Variants in TLN2 observed in about 807,000 individuals in gnomAD.
The protein encoded by TLN2 is talin-2.
In TLN2, 118 loss-of-function variants were observed where a neutral mutation model predicts 294.7. That is an observed-to-expected ratio of 0.40 (90% CI 0.34 to 0.47). The LOEUF (loss-of-function observed/expected upper bound fraction) is 0.47. TLN2 is among the 20% of genes least tolerant of loss of function. The pLI is 0.84. For synonymous variants in TLN2, 1,431 were observed against 1,304.5 expected (o/e 1.10, Z -2.09); for missense variants, 3,083 against 3,282.2 (o/e 0.94, Z 1.48).
chr15:62,607,835 C>T (rs767929091), intron 2 of TLN2, among the ~76,000 whole-genome samples: 3 of 152,196 alleles, frequency 2.0e-5, no homozygotes, highest in Non-Finnish European at 4.4e-5. Context: ...TGCACCCACA[C>T]ATTAGTGGAA....
chr15:62,439,822 C>T (rs1246160040), intron 1 of TLN2, among the ~76,000 whole-genome samples: 3 of 152,124 alleles, frequency 2.0e-5, no homozygotes, highest in Non-Finnish European at 4.4e-5. Flanking sequence ...CTTACAATTT[C>T]GAAAGTTGAT....
intron 50 of TLN2, among the ~76,000 whole-genome samples, chr15:62,804,232 G>T (rs192426927): frequency 6.6e-6 from 1 of 152,314 alleles, no homozygotes; most frequent in African/African-American, 2.4e-5. Flanking sequence ...TGATCAAAGA[G>T]ACTTGAAATT....
In TLN2 at chr15:62,836,079, G is replaced by A. The variant is rs1185264654; in HGVS notation, c.7374+6G>A. The A allele has an allele frequency of 6.2e-7, 1 of 1,604,354 alleles. No individual in the cohort carries two copies. The highest frequency in any genetic ancestry group is 8.5e-7 in the Non-Finnish European group (1 of 1,175,734). On this transcript the variant is annotated splice_donor_region_variant and intron_variant, in intron 57 of 58. Transcript: ENST00000636159. ...AGGCCATGAGGCGGCTACAGGTAAT[G>A]GTCACTGATGCTGGTGGGAAAATAC...
Position 62,820,419 on chromosome 15 carries a change from T to C in TLN2, c.6878-67T>C, listed in dbSNP as rs886359223. On this transcript the variant is annotated intron_variant, in intron 53 of 58. Transcript: ENST00000636159. ...TCATGCATGCAAATCCAGATAGTGT[T>C]TTTAATTAAGCCAGTGCCCTGAGGT... 7.7e-6 allele frequency: 12 copies of C among 1,554,584 alleles called. No homozygotes were observed. The African/African-American group carries it at 1.4e-4, about 18-fold the overall frequency.
At chr15:62,484,451 A>G (rs902951750) in intron 1 of TLN2, among the ~76,000 whole-genome samples, 1 of 151,206 alleles carries the variant, frequency 6.6e-6, no homozygotes, top group Non-Finnish European at 1.5e-5. Context: ...TTTGAGACGG[A>G]GTCTTGCCCT....
At position 62,686,770 on chromosome 15, in the gene TLN2, G is replaced by T; in HGVS notation, c.1087G>T (p.Ala363Ser). 1 of 1,613,400 alleles carries T rather than the reference G, an allele frequency of 6.2e-7. No homozygotes were observed. Among genetic ancestry groups the T allele is most frequent in the Non-Finnish European group, 8.5e-7 (1 of 1,179,882 alleles). The change falls in exon 12 of 59, where the codon GCA (alanine) becomes TCA (serine). Residue 363 changes from alanine (A) to serine (S), a missense_variant. Coordinates refer to ENST00000636159, the MANE Select transcript of TLN2 (RefSeq NM_015059.3). ...EWPLTTVKRWAASPKSFTLDF... is the reference protein window; with the variant it reads ...EWPLTTVKRWSASPKSFTLDF... ...GCCCCTCACCACCGTCAAGCGCTGG[G>T]CAGCCTCACCCAAGAGCTTCACACT...
At chr15:62,499,870 T>C (rs972630325) in intron 1 of TLN2, among the ~76,000 whole-genome samples, 1 of 151,916 alleles carries the variant, frequency 6.6e-6, no homozygotes, top group African/African-American at 2.4e-5. Flanking sequence ...CCCAAAGTGG[T>C]GGGATTACAG....
intron 11 of TLN2, 145 bp from the exon 12 acceptor site, chr15:62,686,495 CT>C: frequency 1.1e-6 from 1 of 883,282 alleles, no homozygotes; most frequent in Non-Finnish European, 1.7e-6. Flanking sequence ...AGTTATTCAC[CT>C]AGCCTCAAAA....
chr15:62,776,804 T>G lies in TLN2; in HGVS notation c.5408T>G (p.Leu1803Trp). 6.3e-7 allele frequency: 1 copy of G among 1,596,430 alleles called. No homozygotes were observed. Among genetic ancestry groups the G allele is most frequent in the South Asian group, 1.1e-5 (1 of 89,010 alleles). Residue 1803 changes from leucine (L) to tryptophan (W), a missense_variant, in exon 43 of 59, where the codon TTG becomes TGG. By Grantham distance (61) the Leu-to-Trp change is moderately conservative. Transcript: ENST00000636159. ...GACGCCATCACAGAGGCCGCCCAGT[T>G]GATGAAGGAAGCCGTGGATGACATC... The part of the protein sequence containing the change: ...THDAITEAAQ[L>W]MKEAVDDIMV...
chr15:62,404,287 A>G (rs144393521), intron 1 of TLN2, among the ~76,000 whole-genome samples: 1 of 152,294 alleles, frequency 6.6e-6, no homozygotes, highest in African/African-American at 2.4e-5. Context: ...TCTCATCTTT[A>G]TCTCTGAAGG....
chr15:62,399,256 CA>C (rs546678440), intron 1 of TLN2, among the ~76,000 whole-genome samples: 154 of 58,410 alleles, frequency 2.6e-3, no homozygotes, highest in African/African-American at 7.6e-3. Context: ...CCGTCTCAAA[CA>C]AAAAAAAAAA....
intron 45 of TLN2, among the ~76,000 whole-genome samples, 184 bp from the exon 46 acceptor site, chr15:62,792,457 A>G (rs534059962): frequency 6.6e-6 from 1 of 152,334 alleles, no homozygotes; most frequent in Non-Finnish European, 1.5e-5. Context: ...GGCATTTTAC[A>G]GTCTCTCAAA....
rs535939717 is a variant in TLN2 at position 62,736,896 on chromosome 15, C to T, written c.3377C>T (p.Thr1126Met). ...EHYTGVAARE[T>M]AQALKTLAQA... The stretch of plus-strand genomic sequence containing the variant: ...CCCCCAGGGGTGGCTGCTAGAGAGA[C>T]GGCCCAAGCTCTGAAAACACTGGCC... The change falls in exon 29 of 59, where the codon ACG becomes ATG. Residue 1126 changes from threonine (T) to methionine (M), a missense_variant. Transcript: ENST00000636159. 5.0e-6 allele frequency: 8 copies of T among 1,613,910 alleles called. No individual in the cohort carries two copies. Among genetic ancestry groups the T allele is most frequent in the South Asian group, 1.1e-5 (1 of 91,074 alleles).
chr15:62,825,831 TATATA>T lies in TLN2; in HGVS notation c.7002+5227_7002+5231del, dbSNP rs58751048. ...TATTATATTATAATATATATTATAA[TATATA>T]ATATATATAAATATATTATATATAT... On this transcript the variant is annotated intron_variant, in intron 54 of 58. Transcript: ENST00000636159. 2.9e-3 allele frequency among the ~76,000 whole-genome samples: 17 copies of T among 5,918 alleles called. 1 individual carries two copies. In the East Asian group the frequency reaches 0.098, roughly 34 times the overall value. The allele number at this position is 5,918 out of a possible 152,430, so 3.9% of individuals were successfully genotyped here.
chr15:62,398,235 T>C (rs1413811056), intron 1 of TLN2, among the ~76,000 whole-genome samples: 1 of 152,152 alleles, frequency 6.6e-6, no homozygotes, highest in Non-Finnish European at 1.5e-5. Flanking sequence ...ATAAGGGCCT[T>C]TTACCCCTTT....
At chr15:62,437,978 C>G (rs1313204240) in intron 1 of TLN2, among the ~76,000 whole-genome samples, 2 of 152,212 alleles carry the variant, frequency 1.3e-5, no homozygotes, top group African/African-American at 2.4e-5. Context: ...GGACCATCCC[C>G]TTTCCCACTC....
At chr15:62,692,757 A>G (rs1482877393) in intron 12 of TLN2, 83 bp from the exon 13 acceptor site, 4 of 1,013,580 alleles carry the variant, frequency 3.9e-6, no homozygotes, top group Admixed American at 4.1e-5. Context: ...TCTATGTCAT[A>G]TTGTTCTAGA....
At chr15:62,641,987 C>T (rs558083286) in intron 3 of TLN2, among the ~76,000 whole-genome samples, 6 of 152,332 alleles carry the variant, frequency 3.9e-5, no homozygotes, top group African/African-American at 1.4e-4. Context: ...TGCCATCATC[C>T]TGGGCTCTTT....
chr15:62,589,707 C>T lies in TLN2; in HGVS notation c.-217C>T, dbSNP rs185319526. 6.6e-6 allele frequency: 1 copy of T among 152,344 alleles called. No homozygotes were observed. The highest frequency in any genetic ancestry group is 1.9e-4 in the East Asian group (1 of 5,184). The allele number at this position is 152,344 out of a possible 1,614,324, so 9.4% of individuals were successfully genotyped here. ...TTTAGGTGCTGCAGGAGGCTTCTCA[C>T]ATGCTTTGGGATATCTTCAGGGAAA... On this transcript the variant is annotated 5_prime_UTR_variant, in exon 2 of 59. Coordinates refer to ENST00000636159, the MANE Select transcript of TLN2 (RefSeq NM_015059.3).
Sources: gnomAD v4.1 joint callset for allele counts (sites outside exome capture counted in the v4.1 genomes callset) on GRCh38, gnomAD v4.1.1 for gene constraint, MANE v1.5 for transcripts, NCBI Gene and HGNC (gene_info 2026-07-23, HGNC 2026-07-21) for gene names.